NPLOC4: variants seen among roughly 807,000 people sequenced by gnomAD.
The protein encoded by NPLOC4 is nuclear protein localization protein 4 homolog.
NPLOC4 carries 18 observed loss-of-function variants against 80.6 expected under a neutral mutation model. That is an observed-to-expected ratio of 0.22 (90% CI 0.15 to 0.33). The LOEUF (loss-of-function observed/expected upper bound fraction) is 0.33. NPLOC4 is among the 10% of genes least tolerant of loss of function. The probability of loss-of-function intolerance (pLI) is 1.00; values close to 1 mark genes in which losing one functional copy is unlikely to be tolerated. For missense variants in NPLOC4, 540 were observed against 786.1 expected (o/e 0.69, Z 3.74); for synonymous variants, 313 against 301.5 (o/e 1.04, Z -0.39).
intron 3 of NPLOC4, among the ~76,000 whole-genome samples, chr17:81,620,986 G>A (rs1042278129): frequency 4.0e-5 from 6 of 151,824 alleles, no homozygotes; most frequent in Non-Finnish European, 7.4e-5. Context: ...TCGCACCACC[G>A]CACTCCAGCC....
intron 2 of NPLOC4, among the ~76,000 whole-genome samples, chr17:81,624,722 T>C (rs1009581651): frequency 2.0e-5 from 3 of 152,126 alleles, no homozygotes; most frequent in South Asian, 2.1e-4. Context: ...AAACCTCAGA[T>C]GGGAGGCTAG....
intron 2 of NPLOC4, among the ~76,000 whole-genome samples, chr17:81,623,416 G>C (rs570201631): frequency 2.7e-4 from 34 of 127,292 alleles, no homozygotes; most frequent in Non-Finnish European, 4.5e-4. Flanking sequence ...AGTGAGTCGA[G>C]ATCATGCCAC....
intron 3 of NPLOC4, among the ~76,000 whole-genome samples, chr17:81,616,446 A>T (rs2035491267): frequency 6.6e-6 from 1 of 151,328 alleles, no homozygotes. Context: ...AGAGTAACAC[A>T]TGGGCCAGGC....
At chr17:81,619,041 C>T (rs2035587851) in intron 3 of NPLOC4, among the ~76,000 whole-genome samples, 1 of 152,154 alleles carries the variant, frequency 6.6e-6, no homozygotes, top group East Asian at 1.9e-4. Flanking sequence ...TCCCTAATCT[C>T]AAGTACCCAG....
In NPLOC4 at chr17:81,613,398, A is replaced by G. The variant is rs1287148014; in HGVS notation, c.306T>C (p.Ala102=). Reference sequence around the variant, plus strand: ...CAATCTCATCCTCCACCACGTTGGGAGCGCCAAAGACTTTGAAGCCCGGTG... The same window carrying G: ...CAATCTCATCCTCCACCACGTTGGGGGCGCCAAAGACTTTGAAGCCCGGTG... ...SVPPGFKVFG[A]PNVVEDEIDQ... is the part of the protein sequence containing the mutation. Residue 102 remains alanine, a synonymous_variant, in exon 4 of 17, where the codon GCT becomes GCC. Transcript: ENST00000331134. 3 of 1,613,796 alleles carry G rather than the reference A, an allele frequency of 1.9e-6. No individual in the cohort carries two copies. Among genetic ancestry groups the G allele is most frequent in the African/African-American group, 2.7e-5 (2 of 74,884 alleles).
At chr17:81,636,517 G>A (rs943632378) in intron 1 of NPLOC4, 1 of 169,194 alleles carries the variant, frequency 5.9e-6, no homozygotes, top group Non-Finnish European at 1.3e-5. Flanking sequence ...ATCAGAGGGA[G>A]ATTAGGATAA....
chr17:81,621,242 C>T (rs2035658768), intron 3 of NPLOC4, among the ~76,000 whole-genome samples: 1 of 152,182 alleles, frequency 6.6e-6, no homozygotes, highest in African/African-American at 2.4e-5. Flanking sequence ...TTTCGTTTCA[C>T]CTCACCACAT....
At chr17:81,597,416 C>T (rs1598649241) in intron 9 of NPLOC4, 100 bp from the exon 10 acceptor site, 7 of 874,174 alleles carry the variant, frequency 8.0e-6, no homozygotes, top group South Asian at 5.5e-5. Flanking sequence ...TTTGAGAGGC[C>T]GAGGCAGGAG....
chr17:81,603,934 C>G (rs755417329), intron 8 of NPLOC4, among the ~76,000 whole-genome samples: 1 of 152,136 alleles, frequency 6.6e-6, no homozygotes, highest in Non-Finnish European at 1.5e-5. Context: ...TATACACACA[C>G]AGCCCAATTC....
chr17:81,619,569 GAAAGA>G (rs1304994471), intron 3 of NPLOC4, among the ~76,000 whole-genome samples: 3 of 135,636 alleles, frequency 2.2e-5, no homozygotes, highest in African/African-American at 5.6e-5. Flanking sequence ...AAAAAAAAAA[GAAAGA>G]AAAGAAAAGA....
At chr17:81,559,683 A>G (rs1273926328) in intron 16 of NPLOC4, among the ~76,000 whole-genome samples, 1 of 150,856 alleles carries the variant, frequency 6.6e-6, no homozygotes, top group Non-Finnish European at 1.5e-5. Flanking sequence ...TCTCCTTGTG[A>G]ATAACGTAAC....
intron 1 of NPLOC4, among the ~76,000 whole-genome samples, chr17:81,631,436 A>ATATATATT (rs1330720098): frequency 2.6e-5 from 3 of 117,068 alleles, no homozygotes; most frequent in African/African-American, 9.4e-5. Context: ...ATATATATAT[A>ATATATATT]TTTTTTTTTT....
chr17:81,570,588 G>C (rs576106216), intron 13 of NPLOC4, among the ~76,000 whole-genome samples: 5 of 152,152 alleles, frequency 3.3e-5, no homozygotes, highest in Non-Finnish European at 7.3e-5. Flanking sequence ...CCCAAGGAAG[G>C]GCATCAGCTC....
At chr17:81,609,684 T>G (rs1176305313) in intron 5 of NPLOC4, among the ~76,000 whole-genome samples, 1 of 152,132 alleles carries the variant, frequency 6.6e-6, no homozygotes, top group Non-Finnish European at 1.5e-5. Context: ...ACGCTCTAAG[T>G]CAAATGAGTT....
At chr17:81,587,263 CAGG>C (rs1457162352) in intron 12 of NPLOC4, among the ~76,000 whole-genome samples, 4 of 152,200 alleles carry the variant, frequency 2.6e-5, no homozygotes, top group African/African-American at 9.6e-5. Context: ...TGCTCGAGGC[CAGG>C]AGTTCAAGAT....
At chr17:81,609,091 G>A (rs1332435604) in intron 5 of NPLOC4, among the ~76,000 whole-genome samples, 3 of 152,214 alleles carry the variant, frequency 2.0e-5, no homozygotes, top group Non-Finnish European at 4.4e-5. Flanking sequence ...CACAGTCTCT[G>A]CTCACTACAA....
intron 11 of NPLOC4, among the ~76,000 whole-genome samples, chr17:81,595,229 T>C (rs1322067781): frequency 6.6e-6 from 1 of 151,434 alleles, no homozygotes. Context: ...CTGAGGTCAG[T>C]TCAAGATTAG....
At chr17:81,571,773 C>T (rs888452940) in intron 13 of NPLOC4, among the ~76,000 whole-genome samples, 9 of 152,290 alleles carry the variant, frequency 5.9e-5, no homozygotes, top group Non-Finnish European at 7.4e-5. Context: ...CCTAGGTTGA[C>T]GTCAAGGAAA....
At chr17:81,624,579 C>T (rs532377659) in intron 2 of NPLOC4, among the ~76,000 whole-genome samples, 27 of 151,878 alleles carry the variant, frequency 1.8e-4, no homozygotes, top group African/African-American at 6.0e-4. Flanking sequence ...GCCTGGGCAA[C>T]GGAACAAGAC....
Sources: gnomAD v4.1 joint callset for allele counts (sites outside exome capture counted in the v4.1 genomes callset) on GRCh38, gnomAD v4.1.1 for gene constraint, MANE v1.5 for transcripts, NCBI Gene and HGNC (gene_info 2026-07-23, HGNC 2026-07-21) for gene names.